The following DNAH17 variants were observed in gnomAD, a reference collection of about 807,000 sequenced individuals.
DNAH17 encodes the protein axonemal beta dynein heavy chain 17.
In DNAH17, 376 loss-of-function variants were observed where a neutral mutation model predicts 485.6. That is an observed-to-expected ratio of 0.77 (90% CI 0.71 to 0.84). DNAH17 has a LOEUF of 0.84. Among genes scored for constraint, DNAH17 ranks in the 40% least tolerant of loss-of-function variants. DNAH17 has a pLI of 0.00. For missense variants in DNAH17, 6,370 were observed against 5,839.3 expected (o/e 1.09, Z -2.96); for synonymous variants, 3,031 against 2,405.9 (o/e 1.26, Z -7.60).
chr17:78,544,729 A>G (rs1021812406), intron 16 of DNAH17, among the ~76,000 whole-genome samples: 21 of 138,066 alleles, frequency 1.5e-4, no homozygotes, highest in Middle Eastern at 3.8e-3. Flanking sequence ...TGAACCCGGG[A>G]GGCAGAGCTT....
At chr17:78,451,249 G>C (rs1162743029) in intron 66 of DNAH17, among the ~76,000 whole-genome samples, 1 of 152,242 alleles carries the variant, frequency 6.6e-6, no homozygotes, top group African/African-American at 2.4e-5. Context: ...ATGTGACTTA[G>C]AATTAAATTT....
At chr17:78,540,871 GTGGGTGGA>G (rs779057865) in intron 17 of DNAH17, among the ~76,000 whole-genome samples, 10 of 260 alleles carry the variant, frequency 0.038, 3 homozygotes, top group Non-Finnish European at 0.059. Context: ...GGGTGGATGG[GTGGGTGGA>G]TGGGTGGATG....
At position 78,427,929 on chromosome 17, in the gene DNAH17, G is replaced by A. The variant is rs182845902; in HGVS notation, c.12588+596C>T. Among the ~76,000 whole-genome samples the A allele has an allele frequency of 8.1e-4, 112 of 138,574 alleles. 1 individual carries two copies. In the East Asian group the frequency reaches 0.022, roughly 27 times the overall value. The allele number at this position is 138,574 out of a possible 152,430, so 90.9% of individuals were successfully genotyped here. A position where few individuals can be genotyped will look rare whatever the true frequency, so the allele number is the denominator to read the frequency against. On this transcript the variant is annotated intron_variant, in intron 77 of 80. Coordinates refer to ENST00000389840, the MANE Select transcript of DNAH17 (RefSeq NM_173628.4). ...TGCAGTGAGCCGAGATCGTGCCATT[G>A]CACTCCAGCCTGGGCAACGAGAGCA...
chr17:78,478,731 CCACCATCAT>C (rs896690919), intron 51 of DNAH17: 6 of 375,404 alleles, frequency 1.6e-5, no homozygotes, highest in South Asian at 1.0e-4. Context: ...GCCATCATCA[CCACCATCAT>C]CACCATCACC....
At chr17:78,486,647 T>A in intron 44 of DNAH17, 141 bp from the exon 45 acceptor site, 1 of 1,119,790 alleles carries the variant, frequency 8.9e-7, no homozygotes, top group Non-Finnish European at 1.2e-6. Flanking sequence ...TGGCAATGGG[T>A]CCAAACGAGG....
intron 17 of DNAH17, among the ~76,000 whole-genome samples, chr17:78,540,447 A>ATGGATGGGTGGATGGG (rs1347854143): frequency 1.6e-4 from 1 of 6,292 alleles, no homozygotes; most frequent in Non-Finnish European, 2.9e-4. Context: ...GGATGGATGG[A>ATGGATGGGTGGATGGG]TGGGTGGGTG....
chr17:78,475,760 T>C lies in DNAH17; in HGVS notation c.8228A>G (p.Lys2743Arg), dbSNP rs145458355. 5.8e-4 allele frequency: 943 copies of C among 1,613,942 alleles called. 3 individuals carry two copies. The African/African-American group carries it at 7.5e-3, about 13-fold the overall frequency. ...AGCCATGTCGGTTACAGGAACATAT[T>C]TGGGATCGCCAATCCCTTGAGCAAA... ...CHFAQGIGDP[K>R]YVPVTDMAPL... is the part of the protein sequence containing the mutation. Residue 2743 changes from lysine (K) to arginine (R), a missense_variant, in exon 53 of 81, where the codon AAA (lysine) becomes AGA (arginine). Lys to Arg is a conservative substitution (Grantham distance 26). Coordinates refer to ENST00000389840, the MANE Select transcript of DNAH17 (RefSeq NM_173628.4).
chr17:78,540,672 AGATGGACAGATGGATGGGTGGATG>A (rs2091514360), intron 17 of DNAH17, among the ~76,000 whole-genome samples: 1 of 80,860 alleles, frequency 1.2e-5, no homozygotes, highest in East Asian at 3.7e-4. Flanking sequence ...ATGTATGAGT[AGATGGACAGATGGATGGGTGGATG>A]GGTGGAGAGA....
chr17:78,560,416 A>G (rs2092126566), intron 13 of DNAH17, among the ~76,000 whole-genome samples: 1 of 151,860 alleles, frequency 6.6e-6, no homozygotes, highest in Non-Finnish European at 1.5e-5. Context: ...ACAAGTGTGA[A>G]TTCTCCCCAG....
chr17:78,461,732 C>G (rs1255082107), intron 57 of DNAH17, 24 bp from the exon 58 acceptor site: 1 of 1,600,214 alleles, frequency 6.2e-7, no homozygotes, highest in Non-Finnish European at 8.5e-7. Context: ...AACCGAGAAA[C>G]AGCAAGTGTG....
At chr17:78,469,050 G>A (rs1227515728) in intron 54 of DNAH17, among the ~76,000 whole-genome samples, 167 bp from the exon 55 acceptor site, 3 of 151,940 alleles carry the variant, frequency 2.0e-5, no homozygotes, top group Non-Finnish European at 4.4e-5. Context: ...TGCAACCTCC[G>A]TCTCCTGGGT....
At chr17:78,519,798 T>A (rs912210723) in intron 25 of DNAH17, among the ~76,000 whole-genome samples, 7 of 152,156 alleles carry the variant, frequency 4.6e-5, no homozygotes, top group African/African-American at 1.7e-4. Context: ...TTAAAGAAAT[T>A]GAATTTGTAA....
intron 2 of DNAH17, 33 bp downstream of exon 2, chr17:78,574,680 C>A: frequency 1.3e-6 from 2 of 1,556,530 alleles, no homozygotes; most frequent in East Asian, 2.3e-5. Flanking sequence ...CGGTCGTGCT[C>A]GACACCCCGG....
chr17:78,429,346 TTC>T, intron 75 of DNAH17, 46 bp from the exon 76 acceptor site: 1 of 1,584,362 alleles, frequency 6.3e-7, no homozygotes, highest in African/African-American at 1.3e-5. Context: ...CCTGTGCCCC[TTC>T]TCTGCCATGA....
At chr17:78,526,005 A>C (rs1205932046) in intron 24 of DNAH17, among the ~76,000 whole-genome samples, 1 of 152,198 alleles carries the variant, frequency 6.6e-6, no homozygotes, top group African/African-American at 2.4e-5. Context: ...GTACCTGGGC[A>C]CCGTACTGGG....
At chr17:78,516,691 G>GAAAAAAA (rs1168693263) in intron 25 of DNAH17, among the ~76,000 whole-genome samples, 1 of 88,722 alleles carries the variant, frequency 1.1e-5, no homozygotes, top group African/African-American at 4.5e-5. Context: ...CTCCATCTCA[G>GAAAAAAA]AAAAAAAAAA....
At chr17:78,538,872 A>G (rs935766454) in intron 18 of DNAH17, among the ~76,000 whole-genome samples, 1 of 152,148 alleles carries the variant, frequency 6.6e-6, no homozygotes, top group Non-Finnish European at 1.5e-5. Flanking sequence ...TGTTGTTGGT[A>G]GCCTGGGGGA....
At position 78,567,395 on chromosome 17, in the gene DNAH17, T is replaced by C. The variant is rs140730725; in HGVS notation, c.1285-229A>G. On this transcript the variant is annotated intron_variant, in intron 9 of 80. Coordinates refer to ENST00000389840, the MANE Select transcript of DNAH17 (RefSeq NM_173628.4). ...AAGGAAGGGCTCTGTGAATTATCTA[T>C]GAGGTGTGAATGAGGAGGAGCTGGA... Among the ~76,000 whole-genome samples, 5 of 152,210 alleles carry C rather than the reference T, an allele frequency of 3.3e-5. No individual in the cohort carries two copies. The East Asian group carries it at 9.7e-4, about 29-fold the overall frequency.
chr17:78,441,165 C>T lies in DNAH17; in HGVS notation c.11563G>A (p.Val3855Met), dbSNP rs746218810. Reference protein sequence around the residue: ...FVEEKMGSKFVEGRSVEFSKS... With the variant: ...FVEEKMGSKFMEGRSVEFSKS... ...GAAAACTCAACACTCCGGCCTTCCA[C>T]GAACTTGCTGCCCATCTTTTCCTCC... Residue 3855 changes from valine (V) to methionine (M), a missense_variant, in exon 72 of 81, where the codon GTG becomes ATG. By Grantham distance (21) the Val-to-Met change is conservative. Transcript: ENST00000389840. The T allele has an allele frequency of 1.1e-5, 17 of 1,613,810 alleles. No homozygotes were observed. The Admixed American group carries it at 1.2e-4, about 11-fold the overall frequency.
Sources: gnomAD v4.1 joint callset for allele counts (sites outside exome capture counted in the v4.1 genomes callset) on GRCh38, gnomAD v4.1.1 for gene constraint, MANE v1.5 for transcripts, NCBI Gene and HGNC (gene_info 2026-07-23, HGNC 2026-07-21) for gene names.